DCAF6: variants seen among roughly 807,000 people sequenced by gnomAD.
DCAF6 encodes the protein DDB1 and CUL4 associated factor 6.
Under a neutral mutation model 125.1 loss-of-function variants are expected in DCAF6, and 54 were observed. That is an observed-to-expected ratio of 0.43 (90% CI 0.35 to 0.54). The LOEUF is 0.54. Ranked by LOEUF, DCAF6 falls within the 20% of genes least tolerant of loss-of-function variation. DCAF6 has a pLI of 0.01. For synonymous variants in DCAF6, 371 were observed against 390.4 expected, an observed-to-expected ratio of 0.95 and a Z score of 0.58; for missense variants, 934 against 1,161.7, an observed-to-expected ratio of 0.80 and a Z score of 2.85.
the DCAF6 span, among the ~76,000 whole-genome samples, chr1:167,898,491 T>G: frequency 6.6e-6 from 1 of 151,906 alleles, no homozygotes; most frequent in Non-Finnish European, 1.5e-5. Flanking sequence ...TTCCAGCGAC[T>G]CGGAAGGTTG....
chr1:167,923,833 G>A, the DCAF6 span, among the ~76,000 whole-genome samples: 2 of 152,018 alleles, frequency 1.3e-5, no homozygotes, highest in Non-Finnish European at 2.9e-5. Context: ...TCTGTGATGG[G>A]GCCTAACAAG....
At chr1:167,993,706 G>A (rs571690549) in intron 7 of DCAF6, among the ~76,000 whole-genome samples, 3 of 152,074 alleles carry the variant, frequency 2.0e-5, no homozygotes, top group South Asian at 2.1e-4. Context: ...CCGAAATCAC[G>A]CCATCGCACT....
chr1:168,054,222 T>C (rs1690310427), intron 17 of DCAF6, among the ~76,000 whole-genome samples: 1 of 152,202 alleles, frequency 6.6e-6, no homozygotes, highest in African/African-American at 2.4e-5. Flanking sequence ...AATGCATTTT[T>C]TACAGTTACG....
In DCAF6 at chr1:167,999,069, C is replaced by T. The variant is rs184478672; in HGVS notation, c.904-3413C>T. ...ACAAAATGTGTTTCTTAAATAAGAC[C>T]TGAAGGTTGAAATTACTCTTTGATC... On this transcript the variant is annotated intron_variant, in intron 7 of 21. Transcript: ENST00000367840. 3.5e-3 allele frequency among the ~76,000 whole-genome samples: 533 copies of T among 152,158 alleles called. 5 individuals are homozygous for T. The highest frequency in any genetic ancestry group is 0.014 in the Middle Eastern group (4 of 294).
chr1:168,014,846 T>A (rs578142239), intron 10 of DCAF6, among the ~76,000 whole-genome samples: 17 of 152,336 alleles, frequency 1.1e-4, no homozygotes, highest in African/African-American at 4.1e-4. Context: ...GAGGTGTTTG[T>A]TCAAGTGGTG....
At chr1:167,888,673 G>T in the DCAF6 span, among the ~76,000 whole-genome samples, 3 of 152,026 alleles carry the variant, frequency 2.0e-5, no homozygotes, top group South Asian at 6.2e-4. Context: ...TCAGGAGATC[G>T]AGACCATCCT....
the DCAF6 span, chr1:167,893,848 A>T: frequency 6.2e-7 from 1 of 1,608,138 alleles, no homozygotes; most frequent in Non-Finnish European, 8.5e-7. Flanking sequence ...CAATTTTGAA[A>T]ATACCTGCTT....
At chr1:167,920,653 G>A in the DCAF6 span, 1 of 1,591,752 alleles carries the variant, frequency 6.3e-7, no homozygotes, top group Non-Finnish European at 8.5e-7. Flanking sequence ...CGCATAGAAA[G>A]AAAAAAAGTA....
At chr1:167,924,463 CT>C in the DCAF6 span, 2 of 1,574,840 alleles carry the variant, frequency 1.3e-6, no homozygotes, top group Non-Finnish European at 8.7e-7. Flanking sequence ...AGGAATTTGT[CT>C]TTCAGTAGCT....
At chr1:168,019,164 T>C (rs558497720) in intron 11 of DCAF6, among the ~76,000 whole-genome samples, 180 of 151,140 alleles carry the variant, frequency 1.2e-3, no homozygotes, top group African/African-American at 4.4e-3. Context: ...TTCTCTTGCC[T>C]CAGCCTCCCA....
intron 11 of DCAF6, among the ~76,000 whole-genome samples, chr1:168,022,075 A>T (rs1345983452): frequency 6.6e-6 from 1 of 152,044 alleles, no homozygotes; most frequent in African/African-American, 2.4e-5. Context: ...CTAGATCCCC[A>T]GGCTGATTAG....
chr1:168,056,647 T>G (rs1270592469), intron 17 of DCAF6, among the ~76,000 whole-genome samples: 1 of 152,254 alleles, frequency 6.6e-6, no homozygotes, highest in East Asian at 1.9e-4. Flanking sequence ...ACATTGTGTA[T>G]ACCTCTTTGT....
At chr1:168,071,355 G>A (rs928760547) in intron 21 of DCAF6, among the ~76,000 whole-genome samples, 9 of 152,180 alleles carry the variant, frequency 5.9e-5, no homozygotes, top group Admixed American at 5.9e-4. Flanking sequence ...TGTAATCTCA[G>A]CACTTTGGGA....
the DCAF6 span, among the ~76,000 whole-genome samples, chr1:167,899,997 C>CT: frequency 1.3e-5 from 2 of 152,180 alleles, no homozygotes; most frequent in Non-Finnish European, 2.9e-5. Flanking sequence ...GAGATTGAAG[C>CT]TGTAACTAAA....
chr1:167,958,409 A>G (rs1455700053), intron 2 of DCAF6, among the ~76,000 whole-genome samples: 1 of 151,138 alleles, frequency 6.6e-6, no homozygotes, highest in African/African-American at 2.4e-5. Context: ...CTTTTCTTTC[A>G]TTGAATGGTC....
chr1:167,955,751 A>G (rs955352015), intron 2 of DCAF6, among the ~76,000 whole-genome samples: 3 of 152,166 alleles, frequency 2.0e-5, no homozygotes, highest in Admixed American at 1.3e-4. Context: ...GGAATCAGGC[A>G]TCCTTGTCTT....
chr1:167,895,942 G>A, the DCAF6 span, among the ~76,000 whole-genome samples: 11 of 152,244 alleles, frequency 7.2e-5, no homozygotes, highest in Admixed American at 1.3e-4. Context: ...GATTTGAGAC[G>A]TAAAGGCAAA....
chr1:167,978,998 T>A (rs1678672291), intron 4 of DCAF6, among the ~76,000 whole-genome samples: 1 of 152,156 alleles, frequency 6.6e-6, no homozygotes, highest in Non-Finnish European at 1.5e-5. Context: ...GGTCTGCTCC[T>A]TTATGATTAG....
the DCAF6 span, among the ~76,000 whole-genome samples, chr1:167,875,636 T>C: frequency 3.3e-5 from 5 of 152,160 alleles, no homozygotes; most frequent in African/African-American, 1.2e-4. Flanking sequence ...TTTTCTTTAA[T>C]CCTGACAAAA....
Sources: gnomAD v4.1 joint callset for allele counts (sites outside exome capture counted in the v4.1 genomes callset) on GRCh38, gnomAD v4.1.1 for gene constraint, MANE v1.5 for transcripts, NCBI Gene and HGNC (gene_info 2026-07-23, HGNC 2026-07-21) for gene names.